The following ASCC3 variants were observed in gnomAD, a reference collection of about 807,000 sequenced individuals.
ASCC3 encodes activating signal cointegrator 1 complex subunit 3.
In ASCC3, 158 loss-of-function variants were observed where a neutral mutation model predicts 256.3. That is an observed-to-expected ratio of 0.62 (90% CI 0.54 to 0.70). The LOEUF is 0.70. Ranked by LOEUF, ASCC3 falls within the 30% of genes least tolerant of loss-of-function variation. The pLI is 0.00. For missense variants in ASCC3, 2,259 were observed against 2,626.0 expected (o/e 0.86, Z 3.05); for synonymous variants, 948 against 883.4 (o/e 1.07, Z -1.30).
At chr6:100,667,448 C>T (rs1776534838) in intron 14 of ASCC3, among the ~76,000 whole-genome samples, 1 of 151,958 alleles carries the variant, frequency 6.6e-6, no homozygotes, top group African/African-American at 2.4e-5. Context: ...GGAAAAGGAG[C>T]CAATTCAAGT....
intron 8 of ASCC3, among the ~76,000 whole-genome samples, chr6:100,793,081 T>C (rs529535526): frequency 1.3e-5 from 2 of 151,946 alleles, no homozygotes; most frequent in South Asian, 2.1e-4. Context: ...CCTGGCAACA[T>C]AGTCACCATA....
intron 30 of ASCC3, among the ~76,000 whole-genome samples, chr6:100,624,484 T>C (rs749289593): frequency 6.6e-6 from 1 of 152,004 alleles, no homozygotes; most frequent in African/African-American, 2.4e-5. Context: ...AATGAGGATG[T>C]AGTAAAACTG....
intron 30 of ASCC3, among the ~76,000 whole-genome samples, chr6:100,624,395 A>G (rs1366298096): frequency 6.6e-6 from 1 of 151,766 alleles, no homozygotes; most frequent in African/African-American, 2.4e-5. Context: ...TGAAAAAAAA[A>G]TGTTCAACCA....
intron 13 of ASCC3, among the ~76,000 whole-genome samples, chr6:100,692,170 C>G (rs1777876922): frequency 6.6e-6 from 1 of 152,048 alleles, no homozygotes; most frequent in Non-Finnish European, 1.5e-5. Context: ...TATAACAATT[C>G]TTCAAATATT....
rs899577111 is a variant in ASCC3, at chr6:100,742,857, T to C, written c.1738-17154A>G. Among the ~76,000 whole-genome samples, 15 of 152,338 alleles carry C rather than the reference T, an allele frequency of 9.8e-5. No individual in the cohort carries two copies. In the East Asian group the frequency reaches 2.9e-3, roughly 29 times the overall value. On this transcript the variant is annotated intron_variant, in intron 10 of 41. Coordinates refer to ENST00000369162, the MANE Select transcript of ASCC3 (RefSeq NM_006828.4). ...GGCTGGAATTCCAAGCCAGTGGATC[T>C]TATCTTGTCAGGTGTGGTGGAAGTG...
chr6:100,651,415 T>A, intron 19 of ASCC3, 145 bp downstream of exon 19: 3 of 357,228 alleles, frequency 8.4e-6, no homozygotes, highest in African/African-American at 2.1e-5. Flanking sequence ...TCTAGGACAG[T>A]GGGTCTTATT....
At chr6:100,631,854 T>C (rs903059761) in intron 25 of ASCC3, among the ~76,000 whole-genome samples, 4 of 151,938 alleles carry the variant, frequency 2.6e-5, no homozygotes, top group African/African-American at 9.7e-5. Context: ...CATGTCTCTA[T>C]AGATCAATAA....
intron 13 of ASCC3, chr6:100,715,234 G>A (rs1173073456): frequency 1.0e-5 from 4 of 392,320 alleles, no homozygotes; most frequent in East Asian, 4.1e-5. Context: ...AATTAAAAAT[G>A]GCAAACAAAA....
intron 37 of ASCC3, among the ~76,000 whole-genome samples, chr6:100,518,932 G>A (rs1314308632): frequency 2.6e-5 from 4 of 152,036 alleles, no homozygotes; most frequent in African/African-American, 7.2e-5. Flanking sequence ...CTTGTTTTGG[G>A]AAATGAGGAT....
In ASCC3 at chr6:100,731,220, T is replaced by C. The variant is rs141951904; in HGVS notation, c.1738-5517A>G. On this transcript the variant is annotated intron_variant, in intron 10 of 41. Coordinates refer to ENST00000369162, the MANE Select transcript of ASCC3 (RefSeq NM_006828.4). ...ACGTTCTCCTATTCAAAATTGAACA[T>C]GTAAAAAAATACTTTCCAGACTATG... Among the ~76,000 whole-genome samples the C allele has an allele frequency of 5.0e-3, 758 of 152,280 alleles. 4 individuals carry two copies. The highest frequency in any genetic ancestry group is 0.017 in the African/African-American group (720 of 41,548).
chr6:100,518,246 T>C (rs1274445459), intron 37 of ASCC3, 104 bp from the exon 38 acceptor site: 1 of 1,249,156 alleles, frequency 8.0e-7, no homozygotes, highest in Non-Finnish European at 1.1e-6. Flanking sequence ...AAACCAAGCA[T>C]TGTATCTCTA....
chr6:100,557,081 G>A (rs541176622), intron 36 of ASCC3, among the ~76,000 whole-genome samples: 15 of 152,236 alleles, frequency 9.9e-5, no homozygotes, highest in Admixed American at 7.9e-4. Flanking sequence ...GAGGAACAGC[G>A]ACATGGGAAT....
At chr6:100,701,066 C>G (rs985559884) in intron 13 of ASCC3, among the ~76,000 whole-genome samples, 4 of 152,120 alleles carry the variant, frequency 2.6e-5, no homozygotes, top group Non-Finnish European at 5.9e-5. Flanking sequence ...TTGTAACTCC[C>G]ACAATTCCCA....
At chr6:100,876,654 C>A (rs956910018) in intron 1 of ASCC3, among the ~76,000 whole-genome samples, 1 of 152,140 alleles carries the variant, frequency 6.6e-6, no homozygotes, top group Non-Finnish European at 1.5e-5. Flanking sequence ...GCCTACATAT[C>A]AATTTTTACC....
chr6:100,837,102 C>T (rs1478952623), intron 4 of ASCC3, among the ~76,000 whole-genome samples: 8 of 151,818 alleles, frequency 5.3e-5, no homozygotes, highest in Non-Finnish European at 1.2e-4. Context: ...ATACAAAAGG[C>T]CAACAGGTAT....
chr6:100,869,203 C>T (rs1159398473), intron 1 of ASCC3, among the ~76,000 whole-genome samples: 2 of 152,076 alleles, frequency 1.3e-5, no homozygotes, highest in Admixed American at 1.3e-4. Context: ...AATGATGCTA[C>T]TAAACATAAA....
chr6:100,661,956 A>G lies in ASCC3; in HGVS notation c.2553T>C (p.Gly851=). Residue 851 remains glycine (G), a synonymous_variant, in exon 16 of 42, where the codon GGT becomes GGC. Coordinates refer to ENST00000369162, the MANE Select transcript of ASCC3 (RefSeq NM_006828.4). ...LGILDVMQIF[G]RAGRPQFDKF... ...TGTCAAATTGTGGTCGTCCAGCTCG[A>G]CCAAATATCTGCATGACATCTAAAA... is the stretch of plus-strand genomic sequence containing the variant. 6.2e-7 allele frequency: 1 copy of G among 1,613,406 alleles called. No homozygotes were observed. The highest frequency in any genetic ancestry group is 8.5e-7 in the Non-Finnish European group (1 of 1,179,504).
At chr6:100,822,098 A>G (rs1229385109) in intron 4 of ASCC3, among the ~76,000 whole-genome samples, 1 of 152,216 alleles carries the variant, frequency 6.6e-6, no homozygotes, top group African/African-American at 2.4e-5. Flanking sequence ...TGACTGTGGT[A>G]ATGACTGCCC....
chr6:100,610,829 A>C (rs528362954), intron 30 of ASCC3, among the ~76,000 whole-genome samples: 2 of 152,310 alleles, frequency 1.3e-5, no homozygotes, highest in East Asian at 3.9e-4. Context: ...CATGTTAGGT[A>C]TTCTCATTAG....
Sources: allele counts gnomAD v4.1 joint callset (sites outside exome capture counted in the v4.1 genomes callset), GRCh38; gene constraint gnomAD v4.1.1; transcripts MANE v1.5; gene names NCBI Gene and HGNC (gene_info 2026-07-23, HGNC 2026-07-21).